The following KRT8 variants were observed in gnomAD, a reference collection of about 807,000 sequenced individuals.
KRT8 encodes the protein keratin 8.
A neutral mutation model predicts 43.0 loss-of-function variants in KRT8; 24 were observed. The ratio of observed to expected loss-of-function variants is 0.56; its 90% CI spans 0.40 to 0.78. KRT8 has a LOEUF of 0.78. KRT8 is among the 30% of genes least tolerant of loss of function. KRT8 has a pLI of 0.00. For missense variants in KRT8, 492 were observed against 638.4 expected, an observed-to-expected ratio of 0.77 and a Z score of 2.47; for synonymous variants, 214 against 261.2, an observed-to-expected ratio of 0.82 and a Z score of 1.74.
Position 52,935,462 on chromosome 12 carries a change from G to A in KRT8, c.-47+13994C>T, listed in dbSNP as rs545515440. On this transcript the variant is annotated intron_variant, in intron 2 of 6. Transcript: ENST00000546826. ...AATCCCAGCACTCTGGGAGGCCGAG[G>A]CGGGTGTATCACGAGGTCAGGAGAT... Among the ~76,000 whole-genome samples the A allele has an allele frequency of 1.7e-3, 251 of 146,276 alleles. 1 individual carries two copies. Among genetic ancestry groups the A allele is most frequent in the African/African-American group, 6.1e-3 (240 of 39,330 alleles).
chr12:52,919,683 G>A (rs143725986), intron 2 of KRT8, among the ~76,000 whole-genome samples: 2 of 151,814 alleles, frequency 1.3e-5, no homozygotes, highest in African/African-American at 4.8e-5. Flanking sequence ...GTCTTGCTCT[G>A]TTGCCCAGGC....
exon 4 of KRT8, chr12:52,900,657 C>G: frequency 6.2e-7 from 1 of 1,613,184 alleles, no homozygotes; most frequent in Non-Finnish European, 8.5e-7. Flanking sequence ...CCAGCTCTAC[C>G]TTGTTCATGT....
intron 2 of KRT8, among the ~76,000 whole-genome samples, chr12:52,937,948 C>T (rs1198388698): frequency 2.1e-5 from 3 of 144,490 alleles, no homozygotes; most frequent in South Asian, 2.2e-4. Context: ...TGCAGTGAGC[C>T]GAGATCGTGC....
upstream of KRT8, chr12:52,905,138 G>T: frequency 7.2e-7 from 1 of 1,389,246 alleles, no homozygotes; most frequent in South Asian, 1.5e-5. Context: ...GTACCTGAGT[G>T]GCTAGGCCCA....
intron 2 of KRT8, among the ~76,000 whole-genome samples, chr12:52,943,595 G>A (rs938214943): frequency 6.6e-6 from 1 of 152,216 alleles, no homozygotes; most frequent in Non-Finnish European, 1.5e-5. Flanking sequence ...ATCCTTGAGG[G>A]GGATGCTCCA....
chr12:52,915,290 G>T (rs924441951), intron 2 of KRT8, among the ~76,000 whole-genome samples: 1 of 150,982 alleles, frequency 6.6e-6, no homozygotes. Context: ...GGAGAATGGC[G>T]TGAACCCCAG....
upstream of KRT8, chr12:52,905,123 G>A: frequency 1.4e-6 from 2 of 1,430,258 alleles, no homozygotes; most frequent in South Asian, 2.9e-5. Context: ...GGGGGGAAAG[G>A]CCTCGTACCT....
At chr12:52,906,516 C>A (rs911261406), upstream of KRT8, 1 of 361,806 alleles carries the variant, frequency 2.8e-6, no homozygotes, top group African/African-American at 2.1e-5. Flanking sequence ...GGACGTAGCA[C>A]GCACCTGTGG....
Position 52,902,089 on chromosome 12 carries a change from A to G in KRT8, c.325-17T>C. The G allele has an allele frequency of 6.4e-7, 1 of 1,552,674 alleles. No individual in the cohort carries two copies. Among genetic ancestry groups the G allele is most frequent in the South Asian group, 1.1e-5 (1 of 90,094 alleles). On this transcript the variant is annotated splice_polypyrimidine_tract_variant and intron_variant, in intron 1 of 7. Transcript: ENST00000692008. The stretch of plus-strand genomic sequence containing the variant: ...GAACCGTACCTATACGAAGGAGGAG[A>G]GAGCAAAAAGGTCTACATCAGGCCA...
chr12:52,939,412 G>A (rs895699711), intron 2 of KRT8, among the ~76,000 whole-genome samples: 5 of 152,118 alleles, frequency 3.3e-5, no homozygotes, highest in African/African-American at 1.2e-4. Context: ...GCTGAGACAG[G>A]AGAATCACTT....
At chr12:52,928,219 GCT>G (rs1942026543) in intron 2 of KRT8, among the ~76,000 whole-genome samples, 1 of 152,194 alleles carries the variant, frequency 6.6e-6, no homozygotes, top group South Asian at 2.1e-4. Flanking sequence ...GACAGCAAAG[GCT>G]TCAGAGCAGA....
intron 2 of KRT8, among the ~76,000 whole-genome samples, chr12:52,925,008 C>G (rs1009932393): frequency 6.6e-6 from 1 of 152,056 alleles, no homozygotes; most frequent in African/African-American, 2.4e-5. Context: ...AGGGCTGGGC[C>G]CCCTTCTCAC....
At chr12:52,942,147 G>A (rs1018477098) in intron 2 of KRT8, among the ~76,000 whole-genome samples, 1 of 152,030 alleles carries the variant, frequency 6.6e-6, no homozygotes. Context: ...GAACTAAACC[G>A]ACAGCCTTAA....
chr12:52,930,049 A>T (rs1039085425), intron 2 of KRT8, among the ~76,000 whole-genome samples: 3 of 152,200 alleles, frequency 2.0e-5, no homozygotes, highest in Non-Finnish European at 4.4e-5. Context: ...AGTGCTGAGG[A>T]TGGCACTAGA....
chr12:52,913,359 A>C (rs1941672907), intron 2 of KRT8, among the ~76,000 whole-genome samples: 1 of 152,178 alleles, frequency 6.6e-6, no homozygotes, highest in Non-Finnish European at 1.5e-5. Flanking sequence ...TCCCCGCTTC[A>C]CCACCACCGT....
At chr12:52,906,923 C>T (rs1262528965), upstream of KRT8, 1 of 364,650 alleles carries the variant, frequency 2.7e-6, no homozygotes, top group African/African-American at 2.1e-5. Flanking sequence ...GAAGCCCCCT[C>T]CTTGGAGGAC....
At chr12:52,910,272 C>A (rs1247181356), upstream of KRT8, among the ~76,000 whole-genome samples, 2 of 152,156 alleles carry the variant, frequency 1.3e-5, no homozygotes, top group Non-Finnish European at 2.9e-5. Context: ...CAGGTCGCAC[C>A]CCGTCTGCAT....
intron 2 of KRT8, among the ~76,000 whole-genome samples, chr12:52,941,016 T>C (rs1942259202): frequency 6.6e-6 from 1 of 152,094 alleles, no homozygotes; most frequent in Admixed American, 6.6e-5. Context: ...TCAAACTGTA[T>C]ACCTAAAAAG....
At chr12:52,926,957 T>C (rs1005827818) in intron 2 of KRT8, among the ~76,000 whole-genome samples, 15 of 152,134 alleles carry the variant, frequency 9.9e-5, no homozygotes, top group African/African-American at 3.6e-4. Context: ...AATGAATGAA[T>C]GAATGAATGA....
Sources: allele counts gnomAD v4.1 joint callset (sites outside exome capture counted in the v4.1 genomes callset), GRCh38; gene constraint gnomAD v4.1.1; transcripts MANE v1.5; gene names NCBI Gene and HGNC (gene_info 2026-07-23, HGNC 2026-07-21).